SPAG16: variants seen among roughly 807,000 people sequenced by gnomAD.
SPAG16 encodes the protein sperm-associated antigen 16 protein.
Under a neutral mutation model 80.4 loss-of-function variants are expected in SPAG16, and 86 were observed. That is an observed-to-expected ratio of 1.07 (90% CI 0.90 to 1.28). The LOEUF (loss-of-function observed/expected upper bound fraction) is 1.28, where lower values mean the gene tolerates loss of function less well. Ranked by LOEUF, SPAG16 falls within the 50% of genes most tolerant of loss-of-function variation. The probability of loss-of-function intolerance (pLI) is 0.00; values close to 1 mark genes in which losing one functional copy is unlikely to be tolerated. For missense variants in SPAG16, 870 were observed against 765.3 expected (o/e 1.14, Z -1.61); for synonymous variants, 294 against 265.9 (o/e 1.11, Z -1.03).
intron 12 of SPAG16, among the ~76,000 whole-genome samples, chr2:213,937,064 G>C (rs1559607934): frequency 6.6e-6 from 1 of 151,938 alleles, no homozygotes; most frequent in African/African-American, 2.4e-5. Context: ...CATGAAAGTG[G>C]ACTCTAAAAT....
At chr2:213,449,095 C>G (rs576245517) in intron 9 of SPAG16, among the ~76,000 whole-genome samples, 5 of 152,154 alleles carry the variant, frequency 3.3e-5, no homozygotes, top group South Asian at 2.1e-4. Flanking sequence ...GGGGGGAGGT[C>G]TATAAATGGC....
intron 13 of SPAG16, among the ~76,000 whole-genome samples, chr2:214,103,198 A>G (rs2053176659): frequency 6.6e-6 from 1 of 152,134 alleles, no homozygotes; most frequent in Non-Finnish European, 1.5e-5. Context: ...TTAACACTTT[A>G]ATGTTCACAA....
In SPAG16 at chr2:214,101,201, A is replaced by G. The variant is rs180692489; in HGVS notation, c.1528-6995A>G. Among the ~76,000 whole-genome samples the G allele has an allele frequency of 2.6e-4, 40 of 152,064 alleles. No homozygotes were observed. The East Asian group carries it at 7.8e-3, about 30-fold the overall frequency. ...TATTGACACTAAAAAGACTTTTACTATTTTGAGGGAACAAGCTTAATCTTT... is the reference window on the plus strand; with the variant it reads ...TATTGACACTAAAAAGACTTTTACTGTTTTGAGGGAACAAGCTTAATCTTT... On this transcript the variant is annotated intron_variant, in intron 13 of 15. Transcript: ENST00000331683.
At chr2:214,209,809 A>G (rs1274662588) in intron 15 of SPAG16, among the ~76,000 whole-genome samples, 1 of 152,174 alleles carries the variant, frequency 6.6e-6, no homozygotes. Context: ...CATAGTCAAT[A>G]AGGTTACATA....
intron 10 of SPAG16, among the ~76,000 whole-genome samples, chr2:213,631,207 A>G (rs1165444840): frequency 6.6e-6 from 1 of 152,204 alleles, no homozygotes; most frequent in Non-Finnish European, 1.5e-5. Context: ...CCCCAAAAAA[A>G]GACCAATTTG....
intron 9 of SPAG16, among the ~76,000 whole-genome samples, chr2:213,458,491 G>T (rs551278265): frequency 7.2e-5 from 11 of 152,292 alleles, no homozygotes; most frequent in African/African-American, 1.9e-4. Context: ...AGAATCGCTT[G>T]AATCCAGGAG....
chr2:214,315,746 A>G (rs761801013), intron 15 of SPAG16, among the ~76,000 whole-genome samples: 2 of 151,924 alleles, frequency 1.3e-5, no homozygotes, highest in Non-Finnish European at 2.9e-5. Context: ...TGTCCAGGCT[A>G]GTCTCAAACT....
intron 10 of SPAG16, among the ~76,000 whole-genome samples, chr2:213,582,894 A>G (rs917199556): frequency 6.6e-6 from 1 of 152,172 alleles, no homozygotes; most frequent in Non-Finnish European, 1.5e-5. Flanking sequence ...TTTCTGAAGC[A>G]GTACTGTGCA....
chr2:213,320,900 T>G (rs1287257277), intron 5 of SPAG16, among the ~76,000 whole-genome samples: 1 of 152,070 alleles, frequency 6.6e-6, no homozygotes, highest in Non-Finnish European at 1.5e-5. Context: ...TTTTCCGAAC[T>G]ACATCTGTCA....
Position 213,986,750 on chromosome 2 carries a change from G to A in SPAG16, c.1401-27201G>A, listed in dbSNP as rs546365782. Among the ~76,000 whole-genome samples, 164 of 151,732 alleles carry A rather than the reference G, an allele frequency of 1.1e-3. 1 individual carries two copies. The South Asian group carries it at 0.022, about 20-fold the overall frequency. Reference sequence around the variant, plus strand: ...GTTTTAAACTATGCCTTATTACTACGTTGTGAAGTTGGGAAAAAAGAAAAT... The same window carrying A: ...GTTTTAAACTATGCCTTATTACTACATTGTGAAGTTGGGAAAAAAGAAAAT... On this transcript the variant is annotated intron_variant, in intron 12 of 15. Coordinates refer to ENST00000331683, the MANE Select transcript of SPAG16 (RefSeq NM_024532.5).
At chr2:214,376,408 A>G (rs961236437) in intron 15 of SPAG16, among the ~76,000 whole-genome samples, 1 of 152,098 alleles carries the variant, frequency 6.6e-6, no homozygotes, top group Admixed American at 6.6e-5. Flanking sequence ...TACTGTGCAA[A>G]ATCATTTAGA....
chr2:214,045,092 C>T (rs569409268), intron 13 of SPAG16, among the ~76,000 whole-genome samples: 3 of 152,298 alleles, frequency 2.0e-5, no homozygotes, highest in South Asian at 2.1e-4. Flanking sequence ...AGCCCCTCCC[C>T]CAGCCCCAGG....
intron 5 of SPAG16, among the ~76,000 whole-genome samples, chr2:213,331,585 T>G (rs907610509): frequency 6.6e-6 from 1 of 152,162 alleles, no homozygotes; most frequent in Non-Finnish European, 1.5e-5. Flanking sequence ...ATAGAACAAA[T>G]GGACTTGATA....
At chr2:214,092,475 C>G (rs2052280334) in intron 13 of SPAG16, among the ~76,000 whole-genome samples, 1 of 150,112 alleles carries the variant, frequency 6.7e-6, no homozygotes, top group Non-Finnish European at 1.5e-5. Flanking sequence ...TATTCATATC[C>G]TTTGTCTGTG....
intron 9 of SPAG16, among the ~76,000 whole-genome samples, chr2:213,403,271 GTTGT>G (rs1250796836): frequency 2.6e-5 from 4 of 152,004 alleles, no homozygotes; most frequent in East Asian, 1.9e-4. Context: ...TTTTGATGGG[GTTGT>G]TTGTTTTTTT....
intron 10 of SPAG16, among the ~76,000 whole-genome samples, chr2:213,782,433 A>T (rs1451239849): frequency 6.6e-6 from 1 of 152,232 alleles, no homozygotes; most frequent in Non-Finnish European, 1.5e-5. Context: ...ATAGTCGTAT[A>T]GATATGTAGT....
intron 11 of SPAG16, among the ~76,000 whole-genome samples, chr2:213,879,043 T>A (rs2076246212): frequency 6.6e-6 from 1 of 152,214 alleles, no homozygotes; most frequent in South Asian, 2.1e-4. Context: ...GCTGTTTTGG[T>A]TGCTGTAGCT....
Position 213,862,546 on chromosome 2 carries a change from G to T in SPAG16, c.1132G>T (p.Val378Leu), listed in dbSNP as rs2075516699. 1.2e-6 allele frequency: 2 copies of T among 1,614,116 alleles called. No individual in the cohort carries two copies. Among genetic ancestry groups the T allele is most frequent in the Non-Finnish European group, 1.7e-6 (2 of 1,180,014 alleles). The change falls in exon 11 of 16, where the codon GTG (valine) becomes TTG (leucine). Residue 378 changes from valine to leucine, a missense_variant. Transcript: ENST00000331683. ...CTGTGGCGAGGACCGACTCTGGAAG[G>T]TGTTGGGCCTTCCAAAATGCAATGT... Reference protein sequence around the residue: ...VSCGEDRLWKVLGLPKCNVLL... With the variant: ...VSCGEDRLWKLLGLPKCNVLL...
intron 10 of SPAG16, among the ~76,000 whole-genome samples, chr2:213,770,805 T>C (rs2069199669): frequency 6.6e-6 from 1 of 152,250 alleles, no homozygotes. Context: ...AGTTCCTTTT[T>C]ATGGCTTCAT....
Sources: gnomAD v4.1 joint callset for allele counts (sites outside exome capture counted in the v4.1 genomes callset) on GRCh38, gnomAD v4.1.1 for gene constraint, MANE v1.5 for transcripts, NCBI Gene and HGNC (gene_info 2026-07-23, HGNC 2026-07-21) for gene names.